The following VAV1 variants were observed in gnomAD, a reference collection of about 807,000 sequenced individuals.
The protein encoded by VAV1 is proto-oncogene vav.
A neutral mutation model predicts 128.1 loss-of-function variants in VAV1; 33 were observed. The observed-to-expected ratio is 0.26, with a 90% CI of 0.20 to 0.34. VAV1 has a LOEUF of 0.34. Ranked by LOEUF, VAV1 falls within the 10% of genes least tolerant of loss-of-function variation. The pLI, the probability that VAV1 is intolerant of heterozygous loss-of-function variation, is 1.00. For missense variants in VAV1, 715 were observed against 1,093.7 expected (o/e 0.65, Z 4.88); for synonymous variants, 394 against 409.8 (o/e 0.96, Z 0.47).
chr19:6,774,253 G>A lies in VAV1; in HGVS notation c.204+1242G>A, dbSNP rs534671472. On this transcript the variant is annotated intron_variant, in intron 1 of 26. Transcript: ENST00000602142. ...CGTCATTCTCCTGCCTCAGCCTCCC[G>A]AGTAGCTGGGACTACAGGCGCCCGC... Among the ~76,000 whole-genome samples the A allele has an allele frequency of 7.2e-5, 11 of 151,726 alleles. No individual in the cohort carries two copies. The East Asian group carries it at 1.6e-3, about 21-fold the overall frequency.
At chr19:6,805,605 C>CACAT (rs898658651) in intron 1 of VAV1, among the ~76,000 whole-genome samples, 1 of 151,348 alleles carries the variant, frequency 6.6e-6, no homozygotes, top group African/African-American at 2.4e-5. Flanking sequence ...CACACACACA[C>CACAT]ACACACACAT....
At chr19:6,847,928 C>T (rs1972564217) in intron 22 of VAV1, 70 bp from the exon 23 acceptor site, 1 of 1,347,158 alleles carries the variant, frequency 7.4e-7, no homozygotes. Flanking sequence ...GGAAAGGCAA[C>T]CTCCATATGG....
intron 1 of VAV1, among the ~76,000 whole-genome samples, chr19:6,806,009 G>C (rs1971389055): frequency 6.6e-6 from 1 of 152,092 alleles, no homozygotes; most frequent in Admixed American, 6.6e-5. Context: ...CAAGAAGTTT[G>C]CAAATGACAG....
chr19:6,840,034 C>T (rs1276454173), intron 21 of VAV1, among the ~76,000 whole-genome samples: 1 of 152,066 alleles, frequency 6.6e-6, no homozygotes, highest in Admixed American at 6.5e-5. Flanking sequence ...GCATTAAGTA[C>T]ATTCACAGTG....
At chr19:6,832,263 GTGATC>G in intron 15 of VAV1, 63 bp downstream of exon 15, 1 of 1,488,502 alleles carries the variant, frequency 6.7e-7, no homozygotes, top group Non-Finnish European at 9.3e-7. Flanking sequence ...AAGGAGGAAC[GTGATC>G]TAGTCCCTAC....
chr19:6,830,055 T>C, intron 14 of VAV1, 137 bp downstream of exon 14: 2 of 1,378,864 alleles, frequency 1.5e-6, no homozygotes, highest in Non-Finnish European at 2.0e-6. Flanking sequence ...TGTTTTTTGT[T>C]TGTTTGTTTT....
intron 1 of VAV1, chr19:6,784,268 A>C (rs1246847038): frequency 1.7e-6 from 1 of 596,722 alleles, no homozygotes; most frequent in Admixed American, 2.3e-5. Context: ...AAATATATCT[A>C]TGCAGGTCTG....
intron 1 of VAV1, among the ~76,000 whole-genome samples, chr19:6,798,797 C>T (rs1178512350): frequency 1.3e-5 from 2 of 152,144 alleles, no homozygotes; most frequent in African/African-American, 2.4e-5. Context: ...AGGTGTGTGC[C>T]ACTGAACCTG....
chr19:6,847,656 G>T (rs898145631), intron 22 of VAV1, among the ~76,000 whole-genome samples: 1 of 151,806 alleles, frequency 6.6e-6, no homozygotes, highest in Admixed American at 6.6e-5. Context: ...ACTTCTGTCC[G>T]GGTGACCACA....
intron 1 of VAV1, among the ~76,000 whole-genome samples, chr19:6,804,526 C>T (rs184708959): frequency 6.6e-6 from 1 of 151,802 alleles, no homozygotes; most frequent in African/African-American, 2.4e-5. Context: ...AAGCAATTCT[C>T]CTGCCTCACC....
Position 6,822,545 on chromosome 19 carries a change from C to A in VAV1, c.654+31C>A, listed in dbSNP as rs764188724. On this transcript the variant is annotated intron_variant, in intron 6 of 26. Transcript: ENST00000602142. The surrounding 1 kb of genome is among the most constrained non-coding windows in gnomAD (Gnocchi z 5.9). ...CGCCTCCCACCCAGCGCCTGCCGGGCGCATGCGCGGGAGCTGGGCCGGCAG... is the reference window on the plus strand; with the variant it reads ...CGCCTCCCACCCAGCGCCTGCCGGGAGCATGCGCGGGAGCTGGGCCGGCAG... 11 of 1,537,588 alleles carry A rather than the reference C, an allele frequency of 7.2e-6. No individual in the cohort carries two copies. Among genetic ancestry groups the A allele is most frequent in the African/African-American group, 1.4e-5 (1 of 72,858 alleles).
rs1198165681 is a variant in VAV1, at chr19:6,828,811, A to G, written c.1180-4A>G. The G allele has an allele frequency of 3.7e-6, 6 of 1,614,168 alleles. 1 individual carries two copies. In the East Asian group the frequency reaches 8.9e-5, roughly 24 times the overall value. On this transcript the variant is annotated splice_region_variant and splice_polypyrimidine_tract_variant and intron_variant, in intron 12 of 26. Transcript: ENST00000602142. This position sits in a 1 kb window ranked among gnomAD's most constrained non-coding sequence, Gnocchi z 4.5. ...CCTTGCTAGACCCCCTGCCTACTGC[A>G]TAGGACCAGTCTCTGGCTCACTATG...
Position 6,774,427 on chromosome 19 carries a change from CTTT to C in VAV1, c.204+1439_204+1441del, listed in dbSNP as rs1002823385. 4.3e-3 allele frequency among the ~76,000 whole-genome samples: 392 copies of C among 91,548 alleles called. 1 individual carries two copies. The highest frequency in any genetic ancestry group is 5.9e-3 in the Non-Finnish European group (295 of 50,102). The allele number at this position is 91,548 out of a possible 152,430, so 60.1% of individuals were successfully genotyped here. ...ACAGGTGTGAGCCACCGCGCCCAGC[CTTT>C]TTTTTTTTTTTTTTTTTTTTTTAAA... On this transcript the variant is annotated intron_variant, in intron 1 of 26. Transcript: ENST00000602142.
rs79208007 is a variant in VAV1 at position 6,826,767 on chromosome 19, G to A, written c.927+56G>A. The A allele has an allele frequency of 0.02, 27,944 of 1,363,706 alleles. 380 individuals are homozygous for A. The highest frequency in any genetic ancestry group is 0.058 in the East Asian group (2,308 of 40,104). 84.5% of individuals were successfully genotyped at this position (1,363,706 alleles called of 1,614,324 possible). A position where few individuals can be genotyped will look rare whatever the true frequency, so the allele number is the denominator to read the frequency against. On this transcript the variant is annotated intron_variant, in intron 9 of 26. Transcript: ENST00000602142. The surrounding 1 kb of genome is among the most constrained non-coding windows in gnomAD (Gnocchi z 4.1). ...TCCCGCTCCTCCCCAGGCCCTGGGG[G>A]CAGCAGGGAGGACACTGAGTTGCAG...
Position 6,828,720 on chromosome 19 carries a change from G to A in VAV1, c.1179+12G>A. The A allele has an allele frequency of 6.2e-7, 1 of 1,614,200 alleles. No individual in the cohort carries two copies. The highest frequency in any genetic ancestry group is 8.5e-7 in the Non-Finnish European group (1 of 1,180,034). The stretch of plus-strand genomic sequence containing the variant: ...CCATTGAGAACCTGGTGAGGCGGTG[G>A]AGCCGGGTGGGCCAGGGGTGTGGCC... On this transcript the variant is annotated intron_variant, in intron 12 of 26. Coordinates refer to ENST00000602142, the MANE Select transcript of VAV1 (RefSeq NM_005428.4). The surrounding 1 kb of genome is among the most constrained non-coding windows in gnomAD (Gnocchi z 4.5).
At position 6,822,508 on chromosome 19, in the gene VAV1, C is replaced by T; in HGVS notation, c.648C>T (p.Ile216=). 1 of 1,548,782 alleles carries T rather than the reference C, an allele frequency of 6.5e-7. No homozygotes were observed. Among genetic ancestry groups the T allele is most frequent in the Non-Finnish European group, 8.7e-7 (1 of 1,148,320 alleles). ...EEKYTDTLGS[I]QQHFLKPLQR... ...AGTACACTGACACGCTGGGCTCCAT[C>T]CAGCAGGTGGGCGCCTCCCACCCAG... The change falls in exon 6 of 27, where the codon ATC becomes ATT. Residue 216 remains isoleucine, a synonymous_variant. Transcript: ENST00000602142. The surrounding 1 kb of genome is among the most constrained non-coding windows in gnomAD (Gnocchi z 5.9).
intron 19 of VAV1, among the ~76,000 whole-genome samples, chr19:6,835,199 GTATA>G (rs1042586889): frequency 1.0e-4 from 12 of 119,002 alleles, no homozygotes; most frequent in African/African-American, 3.5e-4. Context: ...ATATATATGT[GTATA>G]TATATATACA....
At chr19:6,811,477 TGAG>T (rs931477752) in intron 1 of VAV1, among the ~76,000 whole-genome samples, 16 of 152,056 alleles carry the variant, frequency 1.1e-4, no homozygotes, top group Admixed American at 2.0e-4. Flanking sequence ...AGGCCTGGGT[TGAG>T]GAGGGACATC....
At chr19:6,823,549 T>C (rs1441005038) in intron 6 of VAV1, among the ~76,000 whole-genome samples, 1 of 151,936 alleles carries the variant, frequency 6.6e-6, no homozygotes, top group Admixed American at 6.6e-5. Flanking sequence ...ACCAGGCTGG[T>C]CTTAAACTCC....
Sources: gnomAD v4.1 joint callset for allele counts (sites outside exome capture counted in the v4.1 genomes callset) on GRCh38, gnomAD v4.1.1 for gene constraint, Gnocchi (gnomAD v3.1) non-coding constraint, MANE v1.5 for transcripts, NCBI Gene and HGNC (gene_info 2026-07-23, HGNC 2026-07-21) for gene names.